YIPF3: variants seen among roughly 807,000 people sequenced by gnomAD.
The protein encoded by YIPF3 is protein YIPF3.
Under a neutral mutation model 40.3 loss-of-function variants are expected in YIPF3, and 18 were observed. The observed-to-expected ratio is 0.45, with a 90% CI of 0.31 to 0.66. YIPF3 has a LOEUF of 0.66. Among genes scored for constraint, YIPF3 ranks in the 30% least tolerant of loss-of-function variants. The pLI, the probability that YIPF3 is intolerant of heterozygous loss-of-function variation, is 0.07. For missense variants in YIPF3, 406 were observed against 452.2 expected (o/e 0.90, Z 0.93); for synonymous variants, 190 against 179.6 (o/e 1.06, Z -0.46).
At chr6:43,514,994 CTTTTT>C (rs944845557) in intron 3 of YIPF3, among the ~76,000 whole-genome samples, 3 of 138,542 alleles carry the variant, frequency 2.2e-5, no homozygotes, top group Admixed American at 7.3e-5. Flanking sequence ...GCGCAGAGTT[CTTTTT>C]TTTTTTTTTT....
intron 7 of YIPF3, 59 bp from the exon 8 acceptor site, chr6:43,512,622 G>A (rs755517230): frequency 5.2e-5 from 82 of 1,562,478 alleles, no homozygotes; most frequent in Non-Finnish European, 7.1e-5. Flanking sequence ...GTGGGGACAA[G>A]ACACCCCCAC....
In YIPF3 at chr6:43,513,188, G is replaced by C; in HGVS notation, c.547C>G (p.Leu183Val). The change falls in exon 6 of 9, where the codon CTG becomes GTG. Residue 183 changes from leucine to valine, a missense_variant. Coordinates refer to ENST00000372422, the MANE Select transcript of YIPF3 (RefSeq NM_015388.4). ...TSDTIIREGTLMGTAIGTCFG... is the reference protein window; with the variant it reads ...TSDTIIREGTVMGTAIGTCFG... The stretch of plus-strand genomic sequence containing the variant: ...CAGGTGCCAATGGCTGTGCCCATCA[G>C]GGTGCCCTCCCGCTGTGGGGTGAAG... The C allele has an allele frequency of 6.2e-7, 1 of 1,614,162 alleles. No homozygotes were observed. The highest frequency in any genetic ancestry group is 8.5e-7 in the Non-Finnish European group (1 of 1,180,030).
rs2231767 is a variant in YIPF3, at chr6:43,513,383, C to T, written c.510G>A (p.Gly170=). Residue 170 remains glycine, a synonymous_variant, in exon 5 of 9, where the codon GGG becomes GGA. Coordinates refer to ENST00000372422, the MANE Select transcript of YIPF3 (RefSeq NM_015388.4). ...CGATAATAGTGTCAGACGTCTTCAT[C>T]CCATGGAGTAGGATAGCAACCAGAG... is the stretch of plus-strand genomic sequence containing the variant. ...VFTLVAILLH[G]MKTSDTIIRE... 44,154 of 1,614,160 alleles carry T rather than the reference C, an allele frequency of 0.027. 710 individuals carry two copies. Among genetic ancestry groups the T allele is most frequent in the African/African-American group, 0.042 (3,177 of 75,042 alleles).
At chr6:43,513,923 T>C (rs1476739080) in intron 3 of YIPF3, 2 of 289,858 alleles carry the variant, frequency 6.9e-6, no homozygotes, top group East Asian at 1.2e-4. Context: ...GGCCCGACCA[T>C]GTATCCGTCT....
chr6:43,516,615 A>C, intron 1 of YIPF3, 112 bp downstream of exon 1: 1 of 1,284,106 alleles, frequency 7.8e-7, no homozygotes, highest in Non-Finnish European at 1.1e-6. Flanking sequence ...GACCCAAAGA[A>C]GAGAGTTTTG....
chr6:43,515,823 C>G, intron 2 of YIPF3, 66 bp downstream of exon 2: 1 of 1,592,484 alleles, frequency 6.3e-7, no homozygotes, highest in Non-Finnish European at 8.6e-7. Context: ...TCACCAACAC[C>G]AATTCCAGAA....
In YIPF3 at chr6:43,515,808, G is replaced by A. The variant is rs1792803672; in HGVS notation, c.288+81C>T. 6 of 1,595,124 alleles carry A rather than the reference G, an allele frequency of 3.8e-6. No homozygotes were observed. The Admixed American group carries it at 5.1e-5, about 13-fold the overall frequency. On this transcript the variant is annotated intron_variant, in intron 2 of 8. Coordinates refer to ENST00000372422, the MANE Select transcript of YIPF3 (RefSeq NM_015388.4). ...TGGTTCTAACTGGACAACCTGGGGC[G>A]AACATCACCAACACCAATTCCAGAA...
chr6:43,512,108 T>C lies in YIPF3; in HGVS notation c.*59A>G, dbSNP rs76105278. 1.4e-3 allele frequency: 2,198 copies of C among 1,609,228 alleles called. 22 individuals are homozygous for C. In the African/African-American group the frequency reaches 0.025, roughly 19 times the overall value. On this transcript the variant is annotated 3_prime_UTR_variant, in exon 9 of 9. Transcript: ENST00000372422. ...ACATGTCATCAGGACTGTCCTTTAATAGTCTTCCTCCTCTCTGCAGCTGCG... is the reference window on the plus strand; with the variant it reads ...ACATGTCATCAGGACTGTCCTTTAACAGTCTTCCTCCTCTCTGCAGCTGCG...
rs757311756 is a variant in YIPF3 at position 43,515,619 on chromosome 6, A to G, written c.371T>C (p.Val124Ala). 2 of 1,613,636 alleles carry G rather than the reference A, an allele frequency of 1.2e-6. No homozygotes were observed. Among genetic ancestry groups the G allele is most frequent in the East Asian group, 4.5e-5 (2 of 44,882 alleles). The change falls in exon 3 of 9, where the codon GTG becomes GCG. Residue 124 changes from valine to alanine, a missense_variant. By Grantham distance (64) the Val-to-Ala change is moderately conservative. Transcript: ENST00000372422. ...CCTGCTTCGCACCTGAGCAGGCTCC[A>G]CATCAAAGTAGGGTCTGAGGATGTC... ...NIDILRPYFD[V>A]EPAQVRSRLL...
intron 7 of YIPF3, 75 bp downstream of exon 7, chr6:43,512,686 A>G: frequency 6.4e-7 from 1 of 1,560,412 alleles, no homozygotes; most frequent in Non-Finnish European, 8.7e-7. Context: ...TCTTTGTGAG[A>G]TGGACAGCTC....
Position 43,512,513 on chromosome 6 carries a change from G to A in YIPF3, c.831C>T (p.Leu277=), listed in dbSNP as rs779762641. ...RTVGPTQRLL[L]CGTLAALHML... ...TGTGTAGGGCAGCCAGGGTGCCACA[G>A]AGGAGCAGCCGCTGTGTGGGGCCCA... Residue 277 remains leucine, a synonymous_variant, in exon 8 of 9, where the codon CTC becomes CTT. Transcript: ENST00000372422. The A allele has an allele frequency of 6.2e-7, 1 of 1,613,268 alleles. No individual in the cohort carries two copies.
intron 1 of YIPF3, 107 bp downstream of exon 1, chr6:43,516,620 G>C (rs1358862587): frequency 7.4e-7 from 1 of 1,351,268 alleles, no homozygotes; most frequent in Admixed American, 2.0e-5. Flanking sequence ...AAAGAAGAGA[G>C]TTTTGTAAAT....
At chr6:43,513,794 G>C in intron 3 of YIPF3, 161 bp from the exon 4 acceptor site, 1 of 603,208 alleles carries the variant, frequency 1.7e-6, no homozygotes, top group Non-Finnish European at 2.7e-6. Context: ...GACAGATAGG[G>C]AATGAGGAAA....
intron 3 of YIPF3, among the ~76,000 whole-genome samples, chr6:43,514,314 T>C (rs543505693): frequency 1.1e-4 from 16 of 152,220 alleles, no homozygotes; most frequent in Admixed American, 3.3e-4. Context: ...AGGGTTATAA[T>C]GAGGAAGCCC....
intron 3 of YIPF3, chr6:43,515,126 G>A (rs1366125395): frequency 2.8e-6 from 1 of 363,524 alleles, no homozygotes; most frequent in African/African-American, 2.1e-5. Context: ...AGCCTCCCGA[G>A]TAGCTGGGAC....
intron 3 of YIPF3, among the ~76,000 whole-genome samples, chr6:43,514,141 T>C (rs1792726886): frequency 6.6e-6 from 1 of 152,208 alleles, no homozygotes; most frequent in Non-Finnish European, 1.5e-5. Flanking sequence ...CTCAGGAGGC[T>C]GAGGCAGGAG....
At position 43,516,740 on chromosome 6, in the gene YIPF3, T is replaced by C; in HGVS notation, c.68A>G (p.Glu23Gly). The C allele has an allele frequency of 6.2e-7, 1 of 1,612,236 alleles. No homozygotes were observed. The highest frequency in any genetic ancestry group is 1.3e-5 in the African/African-American group (1 of 75,032). Residue 23 changes from glutamate to glycine, a missense_variant, in exon 1 of 9, where the codon GAA becomes GGA. Physicochemically the swap from Glu to Gly is moderately conservative, Grantham distance 98. Transcript: ENST00000372422. ...TGGGGCCATTACCTGGATGTTTTCT[T>C]CGAACCCTCCCCATTCCGGGCCAGC... ...NGAGPEWGGF[E>G]ENIQGGGSAV...
intron 3 of YIPF3, 185 bp downstream of exon 3, chr6:43,515,410 T>C: frequency 5.8e-6 from 4 of 693,134 alleles, no homozygotes; most frequent in Non-Finnish European, 1.0e-5. Flanking sequence ...AGTAGTCAGT[T>C]AGATGGAAAA....
At chr6:43,516,537 C>A (rs1181292104) in intron 1 of YIPF3, 190 bp downstream of exon 1, 3 of 680,000 alleles carry the variant, frequency 4.4e-6, no homozygotes, top group Non-Finnish European at 7.1e-6. Context: ...ACCCGAGATC[C>A]TCAGGCTGGA....
Sources: gnomAD v4.1 joint callset for allele counts (sites outside exome capture counted in the v4.1 genomes callset) on GRCh38, gnomAD v4.1.1 for gene constraint, MANE v1.5 for transcripts, NCBI Gene and HGNC (gene_info 2026-07-23, HGNC 2026-07-21) for gene names.